The following ARHGEF37 variants were observed in gnomAD, a reference collection of about 807,000 sequenced individuals.
The protein encoded by ARHGEF37 is Rho guanine nucleotide exchange factor (GEF) 37.
Under a neutral mutation model 71.1 loss-of-function variants are expected in ARHGEF37, and 55 were observed. The observed-to-expected ratio is 0.77, with a 90% CI of 0.62 to 0.97. The LOEUF (loss-of-function observed/expected upper bound fraction) is 0.97, where lower values mean the gene tolerates loss of function less well. ARHGEF37 is among the 50% of genes least tolerant of loss of function. ARHGEF37 has a pLI of 0.00. For missense variants in ARHGEF37, 765 were observed against 836.8 expected, an observed-to-expected ratio of 0.91 and a Z score of 1.06; for synonymous variants, 327 against 350.6, an observed-to-expected ratio of 0.93 and a Z score of 0.75.
chr5:149,570,847 G>A (rs1762954584), intron 1 of ARHGEF37, among the ~76,000 whole-genome samples: 1 of 151,534 alleles, frequency 6.6e-6, no homozygotes, highest in South Asian at 2.1e-4. Context: ...GTGCACTCCA[G>A]CCTGGGTGAC....
At chr5:149,566,818 C>A (rs1762905185) in intron 1 of ARHGEF37, among the ~76,000 whole-genome samples, 2 of 152,112 alleles carry the variant, frequency 1.3e-5, no homozygotes, top group Admixed American at 1.3e-4. Flanking sequence ...TCATTCTACT[C>A]CCCACTTTCA....
chr5:149,577,526 T>TA (rs965474832), upstream of ARHGEF37, among the ~76,000 whole-genome samples: 9 of 152,046 alleles, frequency 5.9e-5, no homozygotes, highest in African/African-American at 1.7e-4. Context: ...TTCTAATGAT[T>TA]AAAAAAAATG....
In ARHGEF37 at chr5:149,627,154, A is replaced by G. The variant is rs1752713189; in HGVS notation, c.1543A>G (p.Ser515Gly). 6.2e-7 allele frequency: 1 copy of G among 1,614,168 alleles called. No homozygotes were observed. Among genetic ancestry groups the G allele is most frequent in the Non-Finnish European group, 8.5e-7 (1 of 1,180,040 alleles). Residue 515 changes from serine to glycine, a missense_variant, in exon 11 of 13, where the codon AGC (serine) becomes GGC (glycine). Ser to Gly is a moderately conservative substitution (Grantham distance 56). Coordinates refer to ENST00000333677, the MANE Select transcript of ARHGEF37 (RefSeq NM_001001669.3). ...YGPGKLYQVT[S>G]NISGTGTLDL... is the part of the protein sequence containing the mutation. ...CCCTGGGAAGCTGTACCAGGTGACA[A>G]GCAACATCAGTGGGACTGGGACTCT...
chr5:149,568,223 C>G (rs532345441), intron 1 of ARHGEF37, among the ~76,000 whole-genome samples: 2 of 151,946 alleles, frequency 1.3e-5, no homozygotes, highest in African/African-American at 4.8e-5. Flanking sequence ...GACAGGGTTT[C>G]GCCATATTGC....
intron 5 of ARHGEF37, among the ~76,000 whole-genome samples, chr5:149,616,971 A>C (rs1001772414): frequency 6.6e-6 from 1 of 152,148 alleles, no homozygotes; most frequent in Non-Finnish European, 1.5e-5. Context: ...TTTACTCTGT[A>C]TCAGCTTCAT....
chr5:149,585,436 A>T (rs1024830424), intron 1 of ARHGEF37, among the ~76,000 whole-genome samples: 24 of 152,234 alleles, frequency 1.6e-4, no homozygotes, highest in Non-Finnish European at 3.1e-4. Context: ...GTATTGATAC[A>T]TGCTTCCATA....
rs1167108697 is a variant in ARHGEF37, at chr5:149,622,046, A to G, written c.1319A>G (p.Glu440Gly). ...DLAKQVLQRA[E>G]GSMAQLPHHH... ...GCAAAGCAAGTGCTGCAGAGGGCAG[A>G]GGGAAGCATGGCCCAGGTAAGGCCT... is the stretch of plus-strand genomic sequence containing the variant. Residue 440 changes from glutamate (E) to glycine (G), a missense_variant, in exon 9 of 13, where the codon GAG becomes GGG. Around this residue, in one of 5 missense-constraint regions of ARHGEF37, gnomAD observed 390 missense variants for 407.4 expected, o/e 0.96. Transcript: ENST00000333677. The G allele has an allele frequency of 6.2e-7, 1 of 1,611,134 alleles. No individual in the cohort carries two copies. Among genetic ancestry groups the G allele is most frequent in the Admixed American group, 1.7e-5 (1 of 59,830 alleles).
intron 4 of ARHGEF37, among the ~76,000 whole-genome samples, chr5:149,612,982 G>A (rs1321085123): frequency 6.6e-6 from 1 of 152,188 alleles, no homozygotes; most frequent in Non-Finnish European, 1.5e-5. Flanking sequence ...CTTTGCAGTG[G>A]GCAGGAAGCT....
At chr5:149,611,366 G>T (rs543692491) in intron 4 of ARHGEF37, among the ~76,000 whole-genome samples, 1 of 152,348 alleles carries the variant, frequency 6.6e-6, no homozygotes, top group Admixed American at 6.5e-5. Context: ...TGTGGCCAGA[G>T]CCTCTGCTTT....
intron 1 of ARHGEF37, among the ~76,000 whole-genome samples, chr5:149,561,020 A>C (rs1275382581): frequency 6.6e-6 from 1 of 152,202 alleles, no homozygotes; most frequent in South Asian, 2.1e-4. Context: ...CACGCCTGTA[A>C]TCCCAGCACT....
chr5:149,601,244 C>T lies in ARHGEF37; in HGVS notation c.310+13C>T, dbSNP rs749791448. On this transcript the variant is annotated intron_variant, in intron 3 of 12. Coordinates refer to ENST00000333677, the MANE Select transcript of ARHGEF37 (RefSeq NM_001001669.3). ...GTGCAGCTAGTTGGTAAGCAAAAAA[C>T]CTAAGGAGTTGTCAGCCTTAGATTC... 7.5e-6 allele frequency: 12 copies of T among 1,608,014 alleles called. No individual in the cohort carries two copies. In the East Asian group the frequency reaches 2.7e-4, roughly 36 times the overall value.
intron 2 of ARHGEF37, among the ~76,000 whole-genome samples, chr5:149,598,560 C>T (rs187501054): frequency 1.4e-4 from 21 of 151,206 alleles, no homozygotes; most frequent in African/African-American, 3.9e-4. Context: ...TCACTGTCAG[C>T]GACTTGGCCT....
chr5:149,557,616 C>T (rs1477640147), intron 1 of ARHGEF37, among the ~76,000 whole-genome samples: 2 of 151,908 alleles, frequency 1.3e-5, no homozygotes, highest in Non-Finnish European at 2.9e-5. Flanking sequence ...GTAAATGGGA[C>T]CACAGGCATG....
chr5:149,580,907 C>T (rs961630978), upstream of ARHGEF37, among the ~76,000 whole-genome samples: 2 of 152,148 alleles, frequency 1.3e-5, no homozygotes, highest in African/African-American at 2.4e-5. Context: ...TAGTGTCTTG[C>T]ACAGGAGCCC....
chr5:149,558,366 C>T (rs919917414), intron 1 of ARHGEF37, among the ~76,000 whole-genome samples: 4 of 152,052 alleles, frequency 2.6e-5, no homozygotes, highest in African/African-American at 4.8e-5. Context: ...ATTAGCTGGG[C>T]GTGGTGGCTT....
In ARHGEF37 at chr5:149,601,606, G is replaced by A. The variant is rs549956323; in HGVS notation, c.310+375G>A. Among the ~76,000 whole-genome samples the A allele has an allele frequency of 6.6e-5, 10 of 152,318 alleles. No individual in the cohort carries two copies. The South Asian group carries it at 1.9e-3, about 28-fold the overall frequency. ...GAGTCTGAGCTTCTATTCTCATGGG[G>A]TTGACAAGTTAGTGACAGAGACAGA... On this transcript the variant is annotated intron_variant, in intron 3 of 12. Coordinates refer to ENST00000333677, the MANE Select transcript of ARHGEF37 (RefSeq NM_001001669.3).
At chr5:149,561,287 A>G (rs1290970344) in intron 1 of ARHGEF37, among the ~76,000 whole-genome samples, 1 of 151,834 alleles carries the variant, frequency 6.6e-6, no homozygotes, top group Non-Finnish European at 1.5e-5. Flanking sequence ...AAAAAAAAAA[A>G]AAAAAGGCAA....
At chr5:149,576,535 G>T (rs1340123502), upstream of ARHGEF37, among the ~76,000 whole-genome samples, 1 of 152,206 alleles carries the variant, frequency 6.6e-6, no homozygotes, top group Non-Finnish European at 1.5e-5. Context: ...TAGTAATGAG[G>T]CTACTAAATT....
At chr5:149,614,981 G>A (rs1161436658) in intron 4 of ARHGEF37, among the ~76,000 whole-genome samples, 1 of 152,100 alleles carries the variant, frequency 6.6e-6, no homozygotes, top group Admixed American at 6.5e-5. Context: ...CTGGGCCTAG[G>A]GGCTACTGGT....
Sources: gnomAD v4.1 joint callset for allele counts (sites outside exome capture counted in the v4.1 genomes callset) on GRCh38, gnomAD v4.1.1 for gene constraint, gnomAD v4.1.1 regional missense constraint, MANE v1.5 for transcripts, NCBI Gene and HGNC (gene_info 2026-07-23, HGNC 2026-07-21) for gene names.